PDPR: variants seen among roughly 807,000 people sequenced by gnomAD.
PDPR encodes pyruvate dehydrogenase phosphatase regulatory subunit, mitochondrial.
Under a neutral mutation model 102.2 loss-of-function variants are expected in PDPR, and 50 were observed. That is an observed-to-expected ratio of 0.49 (90% CI 0.39 to 0.62). PDPR has a LOEUF of 0.62. Ranked by LOEUF, PDPR falls within the 20% of genes least tolerant of loss-of-function variation. PDPR has a pLI of 0.00. For synonymous variants in PDPR, 259 were observed against 406.0 expected (o/e 0.64, Z 4.35); for missense variants, 625 against 1,098.2 (o/e 0.57, Z 6.09).
chr16:70,150,148 G>C (rs1488528065), intron 17 of PDPR, among the ~76,000 whole-genome samples: 4 of 141,130 alleles, frequency 2.8e-5, no homozygotes, highest in Non-Finnish European at 1.5e-5. Context: ...TTGTCCCCCA[G>C]GCTGGAGTGC....
rs978855422 is a variant in PDPR at position 70,157,691 on chromosome 16, A to C, written c.*812A>C. ...GCCTTGTGTGTTGCTTTTCCCAGTC[A>C]AAAGGGTCTGACCTTAGAAAGTCCC... On this transcript the variant is annotated 3_prime_UTR_variant, in exon 19 of 19. Coordinates refer to ENST00000288050, the MANE Select transcript of PDPR (RefSeq NM_017990.5). 4.3e-5 allele frequency: 7 copies of C among 162,048 alleles called. No homozygotes were observed. The highest frequency in any genetic ancestry group is 1.7e-4 in the African/African-American group (7 of 41,520). The allele number at this position is 162,048 out of a possible 1,614,324, so 10.0% of individuals were successfully genotyped here. A position where few individuals can be genotyped will look rare whatever the true frequency, so the allele number is the denominator to read the frequency against.
At chr16:70,131,496 A>G (rs1171932165) in intron 8 of PDPR, 77 bp downstream of exon 8, 221 of 1,371,472 alleles carry the variant, frequency 1.6e-4, no homozygotes, top group Non-Finnish European at 2.0e-4. Flanking sequence ...ACTTTCTGCT[A>G]AGGACAGCCT....
intron 3 of PDPR, among the ~76,000 whole-genome samples, chr16:70,126,891 C>G (rs1327563381): frequency 6.6e-6 from 1 of 152,242 alleles, no homozygotes; most frequent in Non-Finnish European, 1.5e-5. Flanking sequence ...GTTGCCCAAG[C>G]TGGAGTGCAG....
At chr16:70,128,013 C>T (rs1455945810) in intron 4 of PDPR, among the ~76,000 whole-genome samples, 8 of 152,200 alleles carry the variant, frequency 5.3e-5, no homozygotes, top group African/African-American at 1.9e-4. Flanking sequence ...ACTGACTCTT[C>T]CAGGAGGGTC....
chr16:70,122,187 G>A (rs781029215), intron 3 of PDPR, among the ~76,000 whole-genome samples: 31 of 152,196 alleles, frequency 2.0e-4, no homozygotes, highest in Non-Finnish European at 3.5e-4. Context: ...GGATTTCACC[G>A]TGTTAGCCAG....
At chr16:70,133,421 C>CTTTTTTGTTTTTTT (rs1964752097) in intron 9 of PDPR, among the ~76,000 whole-genome samples, 1 of 103,734 alleles carries the variant, frequency 9.6e-6, no homozygotes, top group Admixed American at 1.2e-4. Context: ...TGCGTCTGGC[C>CTTTTTTGTTTTTTT]TTTTTTTTTT....
At chr16:70,163,080 C>G (rs551854581), downstream of PDPR, among the ~76,000 whole-genome samples, 1 of 152,402 alleles carries the variant, frequency 6.6e-6, no homozygotes, top group Non-Finnish European at 1.5e-5. Context: ...TCCAGAGTAG[C>G]TGGGATTACA....
At chr16:70,148,104 T>G (rs1460924919) in intron 16 of PDPR, among the ~76,000 whole-genome samples, 7 of 152,240 alleles carry the variant, frequency 4.6e-5, no homozygotes, top group Non-Finnish European at 7.3e-5. Context: ...GTCTGCTGAT[T>G]CCCCCAGAGA....
Position 70,153,411 on chromosome 16 carries a change from T to C in PDPR, c.2073T>C (p.Asn691=). The C allele has an allele frequency of 6.2e-7, 1 of 1,613,726 alleles. No individual in the cohort carries two copies. Among genetic ancestry groups the C allele is most frequent in the Non-Finnish European group, 8.5e-7 (1 of 1,179,776 alleles). Residue 691 remains asparagine, a synonymous_variant, in exon 18 of 19, where the codon AAT becomes AAC. Coordinates refer to ENST00000288050, the MANE Select transcript of PDPR (RefSeq NM_017990.5). ...TATAGTACGCCCTGCATGTATACAA[T>C]GAAGTGATGAGTGTTGGCCAGAAAT... ...IPIEYALHVY[N]EVMSVGQKYG...
intron 3 of PDPR, among the ~76,000 whole-genome samples, chr16:70,126,945 AGC>A (rs1188531229): frequency 1.3e-5 from 2 of 152,160 alleles, no homozygotes; most frequent in Non-Finnish European, 2.9e-5. Context: ...TTTGAACTCA[AGC>A]GCTCCTCTGG....
rs1203072135 is a variant in PDPR, at chr16:70,148,534, T to C, written c.2033T>C (p.Met678Thr). The C allele has an allele frequency of 5.6e-6, 9 of 1,612,454 alleles. No individual in the cohort carries two copies. The Admixed American group carries it at 1.2e-4, about 21-fold the overall frequency. ...SMTHTGEPGF[M>T]LYIPIEYALH... ...ACGCACACAGGAGAGCCAGGATTCA[T>C]GCTCTACATCCCCATAGAGGTGAGA... Residue 678 changes from methionine (M) to threonine (T), a missense_variant, in exon 17 of 19, where the codon ATG becomes ACG. Met to Thr is a moderately conservative substitution (Grantham distance 81). Around this residue, in one of 11 missense-constraint regions of PDPR, gnomAD observed 36 missense variants for 62.8 expected, o/e 0.57. Coordinates refer to ENST00000288050, the MANE Select transcript of PDPR (RefSeq NM_017990.5).
At chr16:70,115,305 G>A (rs954033399) in intron 2 of PDPR, among the ~76,000 whole-genome samples, 1 of 152,006 alleles carries the variant, frequency 6.6e-6, no homozygotes, top group Non-Finnish European at 1.5e-5. Context: ...TGTGTTTTTA[G>A]TAGAGACGGG....
At chr16:70,154,284 C>T (rs1420557222) in intron 18 of PDPR, among the ~76,000 whole-genome samples, 3 of 152,414 alleles carry the variant, frequency 2.0e-5, no homozygotes, top group Non-Finnish European at 2.9e-5. Flanking sequence ...GCCAAAATCG[C>T]ACCACTGCAC....
rs372615885 is a variant in PDPR, at chr16:70,132,244, C to T, written c.941C>T (p.Thr314Ile). 1.2e-6 allele frequency: 2 copies of T among 1,614,006 alleles called. No individual in the cohort carries two copies. The highest frequency in any genetic ancestry group is 1.7e-6 in the Non-Finnish European group (2 of 1,179,838). The stretch of plus-strand genomic sequence containing the variant: ...GAGAAGAACCCGAAACCAATTTTCA[C>T]TGAGGGCAAGAACCAGCTGGAGATT... ...GFEKNPKPIF[T>I]EGKNQLEIQN... Residue 314 changes from threonine to isoleucine, a missense_variant, in exon 9 of 19, where the codon ACT (threonine) becomes ATT (isoleucine). Thr to Ile is a moderately conservative substitution (Grantham distance 89). Around this residue, in one of 11 missense-constraint regions of PDPR, gnomAD observed 50 missense variants for 79.9 expected, o/e 0.63. Transcript: ENST00000288050.
intron 17 of PDPR, among the ~76,000 whole-genome samples, chr16:70,150,653 A>G (rs563372428): frequency 6.6e-6 from 1 of 152,158 alleles, no homozygotes; most frequent in Admixed American, 6.5e-5. Context: ...GACTACAAGC[A>G]TGTGCCAACA....
At chr16:70,138,425 C>CA in intron 10 of PDPR, among the ~76,000 whole-genome samples, 1 of 152,348 alleles carries the variant, frequency 6.6e-6, no homozygotes, top group East Asian at 1.9e-4. Flanking sequence ...CCACATTGGT[C>CA]AGGCTTGTTT....
chr16:70,133,610 A>G lies in PDPR; in HGVS notation c.997+1310A>G, dbSNP rs56338854. Reference sequence around the variant, plus strand: ...TTTATGTATTTTTAGTAGAGACAGGATTTTACCACGTTGGCCAGGCTGGTC... The same window carrying G: ...TTTATGTATTTTTAGTAGAGACAGGGTTTTACCACGTTGGCCAGGCTGGTC... On this transcript the variant is annotated intron_variant, in intron 9 of 18. Coordinates refer to ENST00000288050, the MANE Select transcript of PDPR (RefSeq NM_017990.5). Among the ~76,000 whole-genome samples, 140 of 149,826 alleles carry G rather than the reference A, an allele frequency of 9.3e-4. 1 individual carries two copies. Among genetic ancestry groups the G allele is most frequent in the African/African-American group, 3.2e-3 (127 of 40,280 alleles).
At position 70,114,835 on chromosome 16, in the gene PDPR, C is replaced by A. The variant is rs1307572025; in HGVS notation, c.-128C>A. 1 of 152,302 alleles carries A rather than the reference C, an allele frequency of 6.6e-6. No individual in the cohort carries two copies. Among genetic ancestry groups the A allele is most frequent in the African/African-American group, 2.4e-5 (1 of 41,474 alleles). 9.4% of individuals were successfully genotyped at this position (152,302 alleles called of 1,614,324 possible). On this transcript the variant is annotated 5_prime_UTR_variant, in exon 2 of 19. Coordinates refer to ENST00000288050, the MANE Select transcript of PDPR (RefSeq NM_017990.5). Reference sequence around the variant, plus strand: ...CATCCCTGCAGATGGAACTGTTTTCCCGCGTTGAGACGTGCGGTCCGCTTG... The same window carrying A: ...CATCCCTGCAGATGGAACTGTTTTCACGCGTTGAGACGTGCGGTCCGCTTG...
chr16:70,139,503 G>A (rs1401863329), intron 11 of PDPR, among the ~76,000 whole-genome samples: 1 of 152,236 alleles, frequency 6.6e-6, no homozygotes, highest in East Asian at 1.9e-4. Flanking sequence ...TCAGGCTTCC[G>A]TGAGTGACTT....
Sources: gnomAD v4.1 joint callset for allele counts (sites outside exome capture counted in the v4.1 genomes callset) on GRCh38, gnomAD v4.1.1 for gene constraint, gnomAD v4.1.1 regional missense constraint, MANE v1.5 for transcripts, NCBI Gene and HGNC (gene_info 2026-07-23, HGNC 2026-07-21) for gene names.